The following GRIN2A variants were observed in gnomAD, a reference collection of about 807,000 sequenced individuals.
GRIN2A encodes glutamate receptor ionotropic, NMDA 2A.
A neutral mutation model predicts 113.4 loss-of-function variants in GRIN2A; 22 were observed. The ratio of observed to expected loss-of-function variants is 0.19; its 90% CI spans 0.14 to 0.28. The LOEUF (loss-of-function observed/expected upper bound fraction) is 0.28. Ranked by LOEUF, GRIN2A falls within the 10% of genes least tolerant of loss-of-function variation. GRIN2A has a pLI of 1.00. For synonymous variants in GRIN2A, 827 were observed against 738.4 expected, an observed-to-expected ratio of 1.12 and a Z score of -1.94; for missense variants, 1,502 against 1,887.0, an observed-to-expected ratio of 0.80 and a Z score of 3.78.
At position 9,996,014 on chromosome 16, in the gene GRIN2A, C is replaced by G; in HGVS notation, c.415-57463G>C. ...ATAGGAGGAATAAAAAGAAAGCAGG[C>G]AGAGGGTGGCAAAAAAAAAAAAAAA... On this transcript the variant is annotated intron_variant, in intron 2 of 12. Coordinates refer to ENST00000330684, the MANE Select transcript of GRIN2A (RefSeq NM_001134407.3). Among the ~76,000 whole-genome samples, 2 of 46,990 alleles carry G rather than the reference C, an allele frequency of 4.3e-5. 1 individual carries two copies. Among genetic ancestry groups the G allele is most frequent in the Non-Finnish European group, 7.5e-5 (2 of 26,600 alleles). The allele number at this position is 46,990 out of a possible 152,430, so 30.8% of individuals were successfully genotyped here.
At chr16:10,055,036 A>C in intron 2 of GRIN2A, among the ~76,000 whole-genome samples, 1 of 125,532 alleles carries the variant, frequency 8.0e-6, no homozygotes, top group African/African-American at 3.0e-5. Flanking sequence ...CAACAGAGCG[A>C]GACTCTATCT....
intron 2 of GRIN2A, among the ~76,000 whole-genome samples, chr16:10,172,660 C>T (rs573165572): frequency 1.2e-4 from 19 of 152,284 alleles, no homozygotes; most frequent in African/African-American, 4.1e-4. Context: ...CAACTGTTGC[C>T]ATAGGGGGAA....
chr16:10,113,447 T>C (rs745776069), intron 2 of GRIN2A, among the ~76,000 whole-genome samples: 1 of 152,224 alleles, frequency 6.6e-6, no homozygotes, highest in Non-Finnish European at 1.5e-5. Context: ...GCCCTGCTCA[T>C]GGCCGCCTGC....
At position 10,034,535 on chromosome 16, in the gene GRIN2A, C is replaced by CAAAAAAAAAAA. The variant is rs58076569; in HGVS notation, c.415-95995_415-95985dup. ...AGTGAGACCCCACGTCAAAAAAAAG[C>CAAAAAAAAAAA]AAAAAAAAAAAAAAAAAAAAAAAAA... On this transcript the variant is annotated intron_variant, in intron 2 of 12. Coordinates refer to ENST00000330684, the MANE Select transcript of GRIN2A (RefSeq NM_001134407.3). Among the ~76,000 whole-genome samples, 12 of 36,432 alleles carry CAAAAAAAAAAA rather than the reference C, an allele frequency of 3.3e-4. 1 individual carries two copies. Among genetic ancestry groups the CAAAAAAAAAAA allele is most frequent in the African/African-American group, 5.6e-4 (5 of 8,978 alleles). 23.9% of individuals were successfully genotyped at this position (36,432 alleles called of 152,430 possible). A position where few individuals can be genotyped will look rare whatever the true frequency, so the allele number is the denominator to read the frequency against.
At chr16:9,999,263 T>C (rs989992448) in intron 2 of GRIN2A, among the ~76,000 whole-genome samples, 1 of 152,124 alleles carries the variant, frequency 6.6e-6, no homozygotes, top group Non-Finnish European at 1.5e-5. Context: ...ACTGCTTAAC[T>C]CAAGAAGTGA....
chr16:9,987,014 A>G (rs1450466664), intron 2 of GRIN2A, among the ~76,000 whole-genome samples: 1 of 152,154 alleles, frequency 6.6e-6, no homozygotes, highest in African/African-American at 2.4e-5. Flanking sequence ...TATGGTACCC[A>G]GGAATCTATA....
At chr16:9,839,559 A>T (rs1025984874) in intron 7 of GRIN2A, among the ~76,000 whole-genome samples, 4 of 152,154 alleles carry the variant, frequency 2.6e-5, no homozygotes, top group African/African-American at 9.7e-5. Flanking sequence ...ATTGGCATAA[A>T]TCATCGTGCA....
intron 2 of GRIN2A, among the ~76,000 whole-genome samples, chr16:10,102,802 G>A (rs1481771175): frequency 6.6e-6 from 1 of 152,178 alleles, no homozygotes; most frequent in Non-Finnish European, 1.5e-5. Context: ...GAGCTAGCAA[G>A]AGGTAGAGCT....
In GRIN2A at chr16:9,830,546, G is replaced by A. The variant is rs1292687572; in HGVS notation, c.1778-894C>T. 3.3e-5 allele frequency among the ~76,000 whole-genome samples: 5 copies of A among 151,488 alleles called. 1 individual carries two copies. Among genetic ancestry groups the A allele is most frequent in the African/African-American group, 1.2e-4 (5 of 41,142 alleles). ...CATAGGGAAGGTTTCCCTTTAACAG[G>A]AGGTTAATTTTTATGTCATTTAAGT... On this transcript the variant is annotated intron_variant, in intron 8 of 12. Transcript: ENST00000330684.
At chr16:9,925,060 G>A (rs2044431485) in intron 3 of GRIN2A, among the ~76,000 whole-genome samples, 2 of 152,034 alleles carry the variant, frequency 1.3e-5, no homozygotes, top group Non-Finnish European at 2.9e-5. Flanking sequence ...AACTTTTGAT[G>A]GGATGGAAGA....
intron 2 of GRIN2A, among the ~76,000 whole-genome samples, chr16:9,989,566 G>A (rs553940704): frequency 6.8e-4 from 103 of 152,110 alleles, no homozygotes; most frequent in African/African-American, 2.4e-3. Flanking sequence ...AAGGTCTTCT[G>A]CACTGCAAAA....
At position 10,029,892 on chromosome 16, in the gene GRIN2A, G is replaced by A. The variant is rs747837536; in HGVS notation, c.415-91341C>T. On this transcript the variant is annotated intron_variant, in intron 2 of 12. Transcript: ENST00000330684. ...CATGCCTGTAATCCCAGCTACTCAG[G>A]AGGCTGAGACAGGAGAATTGCTTGA... is the stretch of plus-strand genomic sequence containing the variant. 6.2e-4 allele frequency among the ~76,000 whole-genome samples: 95 copies of A among 152,138 alleles called. 1 individual carries two copies. The highest frequency in any genetic ancestry group is 6.6e-4 in the Non-Finnish European group (45 of 68,032).
At chr16:10,176,058 G>A (rs539104490) in intron 2 of GRIN2A, among the ~76,000 whole-genome samples, 12 of 144,684 alleles carry the variant, frequency 8.3e-5, no homozygotes, top group East Asian at 6.0e-4. Context: ...AGGCTAGAGC[G>A]CAGTGGCATG....
chr16:10,082,535 C>T (rs137968706), intron 2 of GRIN2A, among the ~76,000 whole-genome samples: 27 of 152,336 alleles, frequency 1.8e-4, no homozygotes, highest in Non-Finnish European at 2.6e-4. Context: ...AATCAGCTGA[C>T]TTTGAGTTAA....
At chr16:10,125,883 C>G (rs78562298) in intron 2 of GRIN2A, among the ~76,000 whole-genome samples, 2 of 152,010 alleles carry the variant, frequency 1.3e-5, no homozygotes, top group Non-Finnish European at 2.9e-5. Context: ...TAGAGTACAG[C>G]GAGTTCTCTC....
At chr16:9,910,334 T>TC (rs1194423678) in intron 3 of GRIN2A, among the ~76,000 whole-genome samples, 31 of 151,838 alleles carry the variant, frequency 2.0e-4, no homozygotes, top group African/African-American at 7.5e-4. Context: ...ATTATACAGT[T>TC]TAAATTGTTA....
intron 2 of GRIN2A, among the ~76,000 whole-genome samples, chr16:9,971,205 T>G (rs955522082): frequency 6.6e-6 from 1 of 152,210 alleles, no homozygotes; most frequent in Non-Finnish European, 1.5e-5. Context: ...ACCAGCACAG[T>G]GACTATGTGA....
chr16:9,770,920 G>A (rs112318374), intron 11 of GRIN2A, among the ~76,000 whole-genome samples: 5,141 of 152,228 alleles, frequency 0.034, 189 homozygotes, highest in African/African-American at 0.093. Flanking sequence ...AGTTTTTACA[G>A]TTCATTTGGG....
At chr16:10,155,735 T>G (rs546751692) in intron 2 of GRIN2A, among the ~76,000 whole-genome samples, 2 of 152,060 alleles carry the variant, frequency 1.3e-5, no homozygotes, top group African/African-American at 4.8e-5. Context: ...AGAAGGCAAA[T>G]GAGAAGCAAG....
Sources: gnomAD v4.1 joint callset for allele counts (sites outside exome capture counted in the v4.1 genomes callset) on GRCh38, gnomAD v4.1.1 for gene constraint, MANE v1.5 for transcripts, NCBI Gene and HGNC (gene_info 2026-07-23, HGNC 2026-07-21) for gene names.